AMMECR1: variants seen among roughly 807,000 people sequenced by gnomAD.
The protein encoded by AMMECR1 is nuclear protein AMMECR1.
In AMMECR1, 3 loss-of-function variants were observed where a neutral mutation model predicts 22.5. That is an observed-to-expected ratio of 0.13 (90% CI 0.06 to 0.35). The LOEUF (loss-of-function observed/expected upper bound fraction) is 0.35, where lower values mean the gene tolerates loss of function less well. AMMECR1 is among the 10% of genes least tolerant of loss of function. AMMECR1 has a pLI of 1.00. For synonymous variants in AMMECR1, 130 were observed against 116.7 expected (o/e 1.11, Z -0.74); for missense variants, 235 against 278.7 (o/e 0.84, Z 1.12).
chrX:110,251,133 C>T (rs1377884787), intron 2 of AMMECR1, among the ~76,000 whole-genome samples: 1 of 112,388 alleles, frequency 8.9e-6, no homozygotes, highest in East Asian at 2.8e-4. Flanking sequence ...AGCAAAGTTG[C>T]TACAAAGCAA....
chrX:110,400,163 T>C (rs1053883764), intron 2 of AMMECR1, among the ~76,000 whole-genome samples: 2 of 107,146 alleles, frequency 1.9e-5, no homozygotes, highest in Non-Finnish European at 3.8e-5. Flanking sequence ...ACACACACAT[T>C]TGGGTGCAAT....
intron 2 of AMMECR1, among the ~76,000 whole-genome samples, chrX:110,386,582 A>G (rs747961457): frequency 1.3e-4 from 14 of 111,657 alleles, no homozygotes; most frequent in Non-Finnish European, 2.3e-4. Flanking sequence ...TCTGCATGCA[A>G]ATCTCTTGTC....
In AMMECR1 at chrX:110,300,310, T is replaced by G. The variant is rs1048790168; in HGVS notation, c.473+17289A>C. Among the ~76,000 whole-genome samples, 3 of 112,415 alleles carry G rather than the reference T, an allele frequency of 2.7e-5. No homozygotes were observed. The Admixed American group carries it at 2.8e-4, about 11-fold the overall frequency. On this transcript the variant is annotated intron_variant, in intron 1 of 5. Transcript: ENST00000262844. The stretch of plus-strand genomic sequence containing the variant: ...TGTTGAGCACCTTTTCCTGTACCTA[T>G]TAGCTATCTGCATGTCTTTTTTGGA...
chrX:110,227,717 C>T (rs1277659809), intron 2 of AMMECR1, among the ~76,000 whole-genome samples: 1 of 111,922 alleles, frequency 8.9e-6, no homozygotes, highest in East Asian at 2.8e-4. Context: ...GCTGCCTTCA[C>T]TGCTACCTAG....
intron 2 of AMMECR1, among the ~76,000 whole-genome samples, chrX:110,382,359 C>A (rs773949615): frequency 6.8e-4 from 75 of 110,630 alleles, no homozygotes; most frequent in Admixed American, 1.4e-3. Context: ...AACACCACCA[C>A]CAACAATAAG....
chrX:110,311,646 T>C (rs774950720), intron 1 of AMMECR1, among the ~76,000 whole-genome samples: 2 of 112,336 alleles, frequency 1.8e-5, no homozygotes, highest in South Asian at 7.4e-4. Context: ...AAGATGCCAC[T>C]TATAGTTGGA....
chrX:110,276,730 C>A (rs932647719), intron 1 of AMMECR1, among the ~76,000 whole-genome samples: 3 of 111,426 alleles, frequency 2.7e-5, no homozygotes, highest in Non-Finnish European at 5.6e-5. Context: ...TTCTGCCCAG[C>A]CTCACAGTGT....
At chrX:110,361,568 G>A (rs1280047207) in intron 2 of AMMECR1, among the ~76,000 whole-genome samples, 1 of 111,434 alleles carries the variant, frequency 9.0e-6, no homozygotes, top group Admixed American at 9.6e-5. Flanking sequence ...GGCCCATAAT[G>A]CTGTATGCAA....
intron 1 of AMMECR1, among the ~76,000 whole-genome samples, chrX:110,275,096 T>A (rs1298324385): frequency 1.8e-5 from 2 of 111,622 alleles, no homozygotes; most frequent in Admixed American, 1.9e-4. Flanking sequence ...ACTTAACTTT[T>A]AAAGAAATTT....
At chrX:110,259,262 G>C (rs986566798) in intron 2 of AMMECR1, among the ~76,000 whole-genome samples, 1 of 111,467 alleles carries the variant, frequency 9.0e-6, no homozygotes, top group African/African-American at 3.3e-5. Context: ...TGGTCATACT[G>C]TTCCCTAGAA....
At chrX:110,342,874 C>T (rs1193727791) in intron 2 of AMMECR1, among the ~76,000 whole-genome samples, 2 of 111,070 alleles carry the variant, frequency 1.8e-5, no homozygotes, top group Middle Eastern at 8.4e-3. Flanking sequence ...AAAAAAAGTC[C>T]AGGACCAGAA....
intron 1 of AMMECR1, among the ~76,000 whole-genome samples, chrX:110,302,544 C>T (rs1197825646): frequency 9.0e-6 from 1 of 111,382 alleles, no homozygotes; most frequent in Non-Finnish European, 1.9e-5. Flanking sequence ...TGGCAAAGCT[C>T]CAGAGAGAAA....
intron 2 of AMMECR1, chrX:110,346,555 A>C: frequency 2.3e-6 from 1 of 431,488 alleles, no homozygotes; most frequent in Non-Finnish European, 4.1e-6. Flanking sequence ...TCAGAGGTAG[A>C]TGTTAAGGAC....
chrX:110,209,353 A>G lies in AMMECR1; in HGVS notation c.700-6817T>C, dbSNP rs369225080. 3.6e-5 allele frequency among the ~76,000 whole-genome samples: 4 copies of G among 112,348 alleles called. No homozygotes were observed. In the East Asian group the frequency reaches 8.4e-4, roughly 23 times the overall value. ...ATAACATTCTATAGTGAGTTCTTCT[A>G]CAAAGCAAAATACGTATTCATAAAG... On this transcript the variant is annotated intron_variant, in intron 3 of 5. Coordinates refer to ENST00000262844, the MANE Select transcript of AMMECR1 (RefSeq NM_015365.3).
At position 110,373,885 on chromosome X, in the gene AMMECR1, G is replaced by T. The variant is rs185943674; in HGVS notation, c.-148+52773C>A. Among the ~76,000 whole-genome samples the T allele has an allele frequency of 6.3e-5, 7 of 111,823 alleles. No homozygotes were observed. The East Asian group carries it at 2.0e-3, about 31-fold the overall frequency. On this transcript the variant is annotated intron_variant, in intron 2 of 7. Coordinates refer to the AMMECR1 transcript ENST00000372057. The stretch of plus-strand genomic sequence containing the variant: ...CTAGCCCCAATGAAATATTTAAAAA[G>T]TCAAATGACAGTTTAAACTACAAAT...
intron 2 of AMMECR1, among the ~76,000 whole-genome samples, chrX:110,246,485 C>T (rs959760004): frequency 2.7e-5 from 3 of 111,829 alleles, no homozygotes; most frequent in African/African-American, 9.8e-5. Context: ...ATTATCTTAC[C>T]CAGCTAGTAA....
chrX:110,291,808 C>G (rs2067910581), intron 1 of AMMECR1, among the ~76,000 whole-genome samples: 1 of 111,725 alleles, frequency 9.0e-6, no homozygotes, highest in South Asian at 3.8e-4. Flanking sequence ...CTACATCCAC[C>G]CAGAGAGGGA....
intron 1 of AMMECR1, among the ~76,000 whole-genome samples, chrX:110,277,142 A>T (rs779644673): frequency 4.5e-5 from 5 of 110,685 alleles, no homozygotes; most frequent in Non-Finnish European, 7.6e-5. Context: ...TGCACCAGTT[A>T]CTCCTTCATG....
intron 2 of AMMECR1, among the ~76,000 whole-genome samples, chrX:110,339,419 A>AAAAACAC (rs2068154368): frequency 1.9e-5 from 2 of 106,715 alleles, no homozygotes; most frequent in South Asian, 7.9e-4. Context: ...AAAAAAAAAA[A>AAAAACAC]AAAAAACAAA....
Sources: gnomAD v4.1 joint callset for allele counts (sites outside exome capture counted in the v4.1 genomes callset) on GRCh38, gnomAD v4.1.1 for gene constraint, MANE v1.5 for transcripts, NCBI Gene and HGNC (gene_info 2026-07-23, HGNC 2026-07-21) for gene names.